The following AAK1 variants were observed in gnomAD, a reference collection of about 807,000 sequenced individuals.
AAK1 encodes AP2-associated protein kinase 1.
Under a neutral mutation model 116.0 loss-of-function variants are expected in AAK1, and 37 were observed. The observed-to-expected ratio is 0.32, with a 90% confidence interval of 0.25 to 0.42. The LOEUF (loss-of-function observed/expected upper bound fraction) is 0.42. Among genes scored for constraint, AAK1 ranks in the 10% least tolerant of loss-of-function variants. The pLI is 1.00. For synonymous variants in AAK1, 458 were observed against 439.9 expected, an observed-to-expected ratio of 1.04 and a Z score of -0.51; for missense variants, 919 against 1,170.6, an observed-to-expected ratio of 0.79 and a Z score of 3.14.
chr2:69,630,782 A>G (rs1247714808), intron 2 of AAK1, among the ~76,000 whole-genome samples: 2 of 152,200 alleles, frequency 1.3e-5, no homozygotes, highest in African/African-American at 4.8e-5. Context: ...CCAGGGGGGA[A>G]GGGGAGGAAA....
chr2:69,547,591 T>C (rs911718691), intron 3 of AAK1, among the ~76,000 whole-genome samples: 13 of 152,080 alleles, frequency 8.5e-5, no homozygotes, highest in Non-Finnish European at 1.5e-4. Context: ...AAGATGGCTA[T>C]AATAAAAAAC....
chr2:69,518,892 G>C (rs1228253121), intron 12 of AAK1, 62 bp downstream of exon 12: 1 of 1,473,840 alleles, frequency 6.8e-7, no homozygotes, highest in African/African-American at 1.4e-5. Flanking sequence ...CCTTTACCTA[G>C]TGGGCCTTTT....
chr2:69,534,668 A>G (rs1177796767), intron 5 of AAK1, among the ~76,000 whole-genome samples: 7 of 152,274 alleles, frequency 4.6e-5, no homozygotes, highest in African/African-American at 1.7e-4. Flanking sequence ...TACTGTCAAT[A>G]GCAGAGGCTG....
chr2:69,466,263 G>T lies in AAK1; in HGVS notation c.*9606C>A. ...AACGGCTCCTCCCAGCTTCCCCGGGGGGGGTCTGCAGCTCTCATCTTCTTC... is the reference window on the plus strand; with the variant it reads ...AACGGCTCCTCCCAGCTTCCCCGGGTGGGGTCTGCAGCTCTCATCTTCTTC... On this transcript the variant is annotated 3_prime_UTR_variant, in exon 22 of 22. Coordinates refer to ENST00000409085, the MANE Select transcript of AAK1 (RefSeq NM_014911.5). The T allele has an allele frequency of 1.6e-6, 2 of 1,289,734 alleles. No individual in the cohort carries two copies. Among genetic ancestry groups the T allele is most frequent in the South Asian group, 1.2e-5 (1 of 81,018 alleles). The allele number at this position is 1,289,734 out of a possible 1,614,324, so 79.9% of individuals were successfully genotyped here.
intron 17 of AAK1, among the ~76,000 whole-genome samples, chr2:69,491,772 C>A (rs571790645): frequency 3.9e-5 from 6 of 152,264 alleles, no homozygotes; most frequent in Admixed American, 2.6e-4. Flanking sequence ...CTTGTGACCA[C>A]CCCATAAGGT....
At position 69,466,841 on chromosome 2, in the gene AAK1, G is replaced by A; in HGVS notation, c.*9028C>T. The stretch of plus-strand genomic sequence containing the variant: ...ACTATGCAATGCTCCTACACACAGG[G>A]CCAGGCACGGACACCTGCTCTACCT... On this transcript the variant is annotated 3_prime_UTR_variant, in exon 22 of 22. Coordinates refer to ENST00000409085, the MANE Select transcript of AAK1 (RefSeq NM_014911.5). 1.0e-6 allele frequency: 1 copy of A among 985,362 alleles called. No homozygotes were observed. The allele number at this position is 985,362 out of a possible 1,614,324, so 61.0% of individuals were successfully genotyped here.
chr2:69,544,770 A>AC (rs1290853709), intron 3 of AAK1, among the ~76,000 whole-genome samples: 1 of 152,194 alleles, frequency 6.6e-6, no homozygotes, highest in African/African-American at 2.4e-5. Flanking sequence ...ACACTCCAGA[A>AC]CCTAAATTCT....
At chr2:69,564,191 CA>C (rs112960636) in intron 2 of AAK1, among the ~76,000 whole-genome samples, 11 of 134,242 alleles carry the variant, frequency 8.2e-5, no homozygotes, top group East Asian at 2.1e-4. Flanking sequence ...GACTCCATCT[CA>C]AAAAAAAAAG....
At chr2:69,598,867 ATG>A in intron 2 of AAK1, 1 of 277,124 alleles carries the variant, frequency 3.6e-6, no homozygotes, top group Non-Finnish European at 7.2e-6. Flanking sequence ...GTCAACTCAG[ATG>A]TGTGATTGCA....
intron 8 of AAK1, among the ~76,000 whole-genome samples, chr2:69,529,012 G>A (rs1384698101): frequency 2.0e-5 from 3 of 152,074 alleles, no homozygotes; most frequent in Non-Finnish European, 2.9e-5. Context: ...GTTAATAAAT[G>A]GAAGAGGCTG....
chr2:69,609,844 T>C (rs1673986751), intron 2 of AAK1, among the ~76,000 whole-genome samples: 1 of 151,786 alleles, frequency 6.6e-6, no homozygotes, highest in Admixed American at 6.6e-5. Flanking sequence ...GGTCAGGAGA[T>C]CGAGACCATC....
At chr2:69,476,770 T>C (rs1267063740) in intron 21 of AAK1, 110 bp downstream of exon 21, 2 of 693,448 alleles carry the variant, frequency 2.9e-6, no homozygotes, top group Non-Finnish European at 5.0e-6. Context: ...TTACACCCAA[T>C]GTCCTTCATT....
chr2:69,465,536 C>T lies in AAK1; in HGVS notation c.*10333G>A, dbSNP rs1263185152. 2 of 1,290,902 alleles carry T rather than the reference C, an allele frequency of 1.5e-6. No homozygotes were observed. The highest frequency in any genetic ancestry group is 2.3e-5 in the Admixed American group (1 of 43,562). 80.0% of individuals were successfully genotyped at this position (1,290,902 alleles called of 1,614,324 possible). ...ATGTGATAGAAACAGACCCAGCTATCGACTGCTTGTTGGTTTGTGAAACAA... is the reference window on the plus strand; with the variant it reads ...ATGTGATAGAAACAGACCCAGCTATTGACTGCTTGTTGGTTTGTGAAACAA... On this transcript the variant is annotated 3_prime_UTR_variant, in exon 22 of 22. Transcript: ENST00000409085.
chr2:69,561,700 A>C (rs766712705), intron 2 of AAK1, among the ~76,000 whole-genome samples: 17 of 152,176 alleles, frequency 1.1e-4, no homozygotes, highest in Non-Finnish European at 2.1e-4. Context: ...GCGACAGCCA[A>C]TCCATCACTG....
intron 2 of AAK1, among the ~76,000 whole-genome samples, chr2:69,611,573 C>T (rs1263724779): frequency 6.6e-6 from 1 of 152,202 alleles, no homozygotes; most frequent in Non-Finnish European, 1.5e-5. Context: ...TTTTATGAGC[C>T]AATTCTCCCT....
intron 2 of AAK1, among the ~76,000 whole-genome samples, chr2:69,594,138 TC>T (rs1335155375): frequency 2.6e-4 from 39 of 152,358 alleles, no homozygotes; most frequent in African/African-American, 8.9e-4. Context: ...CCCAGATTTT[TC>T]TTTGGGAAGG....
chr2:69,504,936 T>C (rs1398438234), intron 16 of AAK1, among the ~76,000 whole-genome samples: 12 of 152,210 alleles, frequency 7.9e-5, no homozygotes, highest in Non-Finnish European at 5.9e-5. Flanking sequence ...TTAACTTTCT[T>C]CTCTATAAAT....
chr2:69,494,547 C>T (rs953009248), intron 17 of AAK1, among the ~76,000 whole-genome samples: 3 of 152,128 alleles, frequency 2.0e-5, no homozygotes, highest in Non-Finnish European at 2.9e-5. Context: ...AAGGAGAATG[C>T]CTCCATCACC....
chr2:69,497,158 C>T (rs999808693), intron 16 of AAK1, among the ~76,000 whole-genome samples: 42 of 151,754 alleles, frequency 2.8e-4, no homozygotes, highest in Admixed American at 2.6e-3. Context: ...TTTTTTTCTC[C>T]AAGAGACTGA....
Sources: allele counts gnomAD v4.1 joint callset (sites outside exome capture counted in the v4.1 genomes callset), GRCh38; gene constraint gnomAD v4.1.1; transcripts MANE v1.5; gene names NCBI Gene and HGNC (gene_info 2026-07-23, HGNC 2026-07-21).